CXADR: variants seen among roughly 807,000 people sequenced by gnomAD.
CXADR encodes the protein coxsackievirus and adenovirus receptor.
A neutral mutation model predicts 40.3 loss-of-function variants in CXADR; 20 were observed. The ratio of observed to expected loss-of-function variants is 0.50; its 90% CI spans 0.35 to 0.72. The LOEUF (loss-of-function observed/expected upper bound fraction) is 0.72, where lower values mean the gene tolerates loss of function less well. Ranked by LOEUF, CXADR falls within the 30% of genes least tolerant of loss-of-function variation. The pLI is 0.01. For synonymous variants in CXADR, 150 were observed against 161.3 expected (o/e 0.93, Z 0.53); for missense variants, 332 against 449.1 (o/e 0.74, Z 2.36).
intron 3 of CXADR, among the ~76,000 whole-genome samples, chr21:17,554,359 G>T (rs1412883463): frequency 6.6e-6 from 1 of 152,180 alleles, no homozygotes; most frequent in Non-Finnish European, 1.5e-5. Flanking sequence ...AGTAGGAATG[G>T]CCTTTTTATA....
chr21:17,519,048 G>A, intron 1 of CXADR: 3 of 1,243,990 alleles, frequency 2.4e-6, no homozygotes, highest in Middle Eastern at 2.6e-4. Context: ...CGCGGCAAGA[G>A]CAAGATGGCT....
chr21:17,542,016 C>T (rs1433902507), intron 1 of CXADR: 1 of 365,014 alleles, frequency 2.7e-6, no homozygotes, highest in Non-Finnish European at 5.3e-6. Flanking sequence ...TTGCCTGAAA[C>T]AATTATTACT....
At chr21:17,592,615 G>A (rs2061448379) in intron 7 of CXADR, among the ~76,000 whole-genome samples, 1 of 151,778 alleles carries the variant, frequency 6.6e-6, no homozygotes, top group African/African-American at 2.4e-5. Context: ...GCAGTGTGAT[G>A]ACTCTGAAAG....
At chr21:17,521,392 G>A (rs1448339729) in intron 1 of CXADR, among the ~76,000 whole-genome samples, 1 of 151,956 alleles carries the variant, frequency 6.6e-6, no homozygotes. Context: ...GCACGATCAC[G>A]GTTCACTACA....
chr21:17,618,079 C>T, the CXADR span, among the ~76,000 whole-genome samples: 1 of 152,172 alleles, frequency 6.6e-6, no homozygotes, highest in Non-Finnish European at 1.5e-5. Flanking sequence ...TAGCCAGGCA[C>T]CGTGGCTCAC....
intron 7 of CXADR, among the ~76,000 whole-genome samples, chr21:17,588,623 C>G (rs1353933598): frequency 6.6e-6 from 1 of 152,096 alleles, no homozygotes; most frequent in Non-Finnish European, 1.5e-5. Context: ...CACCAAACTT[C>G]TGTATATAAA....
chr21:17,586,552 T>G, intron 7 of CXADR, among the ~76,000 whole-genome samples: 1 of 151,394 alleles, frequency 6.6e-6, no homozygotes, highest in Non-Finnish European at 1.5e-5. Flanking sequence ...TCTCCTACCT[T>G]GGCCTCCCAA....
the CXADR span, among the ~76,000 whole-genome samples, chr21:17,605,650 T>C: frequency 1.3e-5 from 2 of 152,182 alleles, no homozygotes. Context: ...GTGAGGAAAA[T>C]TTCTAAACCA....
At chr21:17,617,618 T>A in the CXADR span, among the ~76,000 whole-genome samples, 1 of 152,254 alleles carries the variant, frequency 6.6e-6, no homozygotes, top group Non-Finnish European at 1.5e-5. Flanking sequence ...CTATTTGTAG[T>A]CTATTAAGTG....
At chr21:17,600,825 G>C in the CXADR span, among the ~76,000 whole-genome samples, 5 of 151,992 alleles carry the variant, frequency 3.3e-5, no homozygotes. Flanking sequence ...CTTAAATATA[G>C]TACATAACTT....
intron 1 of CXADR, among the ~76,000 whole-genome samples, chr21:17,545,793 T>C (rs2060889880): frequency 6.6e-6 from 1 of 151,628 alleles, no homozygotes; most frequent in Non-Finnish European, 1.5e-5. Flanking sequence ...TTTTTTTTTT[T>C]TTTGAGACAG....
intron 1 of CXADR, among the ~76,000 whole-genome samples, chr21:17,517,486 G>C (rs1331411063): frequency 2.6e-5 from 4 of 152,168 alleles, no homozygotes; most frequent in African/African-American, 9.7e-5. Flanking sequence ...TGTGTTGGGG[G>C]ATGAGTCTGG....
intron 1 of CXADR, among the ~76,000 whole-genome samples, chr21:17,524,287 G>A (rs1034802994): frequency 9.2e-5 from 14 of 151,868 alleles, no homozygotes; most frequent in Non-Finnish European, 1.5e-4. Flanking sequence ...AGGGCCAGGC[G>A]TGGTGGCTCA....
At chr21:17,553,645 C>T (rs1481543487) in intron 3 of CXADR, among the ~76,000 whole-genome samples, 1 of 139,800 alleles carries the variant, frequency 7.2e-6, no homozygotes, top group Non-Finnish European at 1.5e-5. Context: ...TTTTTGAGAC[C>T]AAGTCTCGCT....
downstream of CXADR, among the ~76,000 whole-genome samples, chr21:17,598,071 A>T (rs2061526150): frequency 6.6e-6 from 1 of 152,198 alleles, no homozygotes; most frequent in South Asian, 2.1e-4. Flanking sequence ...AAGTCGATTA[A>T]ATGTTCTTTG....
At chr21:17,547,232 G>A (rs566794037) in intron 2 of CXADR, 39 bp downstream of exon 2, 4 of 1,611,866 alleles carry the variant, frequency 2.5e-6, no homozygotes, top group Non-Finnish European at 3.4e-6. Flanking sequence ...GCAGCTGTCT[G>A]TGCAACTATC....
In CXADR at chr21:17,547,861, TA is replaced by T. The variant is rs1435593170; in HGVS notation, c.210+672del. Among the ~76,000 whole-genome samples, 3 of 152,328 alleles carry T rather than the reference TA, an allele frequency of 2.0e-5. No homozygotes were observed. In the East Asian group the frequency reaches 5.8e-4, roughly 29 times the overall value. On this transcript the variant is annotated intron_variant, in intron 2 of 6. Coordinates refer to ENST00000284878, the MANE Select transcript of CXADR (RefSeq NM_001338.5). ...ATTTAGTCTTAAATTTAAAAAATCT[TA>T]AAACATTGTTTCAGTATTTTTTCTA...
the CXADR span, among the ~76,000 whole-genome samples, chr21:17,632,251 C>A: frequency 6.6e-6 from 1 of 152,188 alleles, no homozygotes; most frequent in African/African-American, 2.4e-5. Flanking sequence ...ACAAAATTCA[C>A]ACTTCTCCCC....
chr21:17,593,545 T>G (rs2123416685), exon 8 of CXADR: 1 of 174,934 alleles, frequency 5.7e-6, no homozygotes, highest in Non-Finnish European at 1.2e-5. Flanking sequence ...TCAAAGGAAA[T>G]TTTAAAATTC....
Sources: allele counts gnomAD v4.1 joint callset (sites outside exome capture counted in the v4.1 genomes callset), GRCh38; gene constraint gnomAD v4.1.1; transcripts MANE v1.5; gene names NCBI Gene and HGNC (gene_info 2026-07-23, HGNC 2026-07-21).